ALPK2: variants seen among roughly 807,000 people sequenced by gnomAD.
ALPK2 encodes alpha-protein kinase 2.
In ALPK2, 127 loss-of-function variants were observed where a neutral mutation model predicts 163.1. The ratio of observed to expected loss-of-function variants is 0.78; its 90% CI spans 0.67 to 0.90. ALPK2 has a LOEUF of 0.90. Among genes scored for constraint, ALPK2 ranks in the 40% least tolerant of loss-of-function variants. The probability of loss-of-function intolerance (pLI) is 0.00; values close to 1 mark genes in which losing one functional copy is unlikely to be tolerated. For synonymous variants in ALPK2, 953 were observed against 959.1 expected (o/e 0.99, Z 0.12); for missense variants, 2,360 against 2,589.6 (o/e 0.91, Z 1.92).
chr18:58,564,152 C>T (rs1209326718), intron 4 of ALPK2, among the ~76,000 whole-genome samples: 3 of 42,102 alleles, frequency 7.1e-5, no homozygotes, highest in Admixed American at 3.2e-4. Context: ...GATGGAGTTT[C>T]GCTCTTGTCG....
At chr18:58,585,612 A>C (rs1204071165) in intron 3 of ALPK2, among the ~76,000 whole-genome samples, 1 of 152,006 alleles carries the variant, frequency 6.6e-6, no homozygotes, top group Admixed American at 6.6e-5. Context: ...ATTAGTTACA[A>C]TGTGGAATCT....
Position 58,484,728 on chromosome 18 carries a change from G to C in ALPK2, c.6297-2689C>G, listed in dbSNP as rs201323990. ...CACTGCACTCCAGTCTGGCGACAGAGCGAGACTTCGTCTCAAAAAATAATA... is the reference window on the plus strand; with the variant it reads ...CACTGCACTCCAGTCTGGCGACAGACCGAGACTTCGTCTCAAAAAATAATA... On this transcript the variant is annotated intron_variant, in intron 12 of 12. Coordinates refer to ENST00000361673, the MANE Select transcript of ALPK2 (RefSeq NM_052947.4). Among the ~76,000 whole-genome samples the C allele has an allele frequency of 2.0e-5, 3 of 149,382 alleles. No homozygotes were observed. The East Asian group carries it at 6.0e-4, about 30-fold the overall frequency.
rs773192836 is a variant in ALPK2, at chr18:58,578,736, A to ACACACACGCGCGCACGCGCGCGCG, written c.1962+77_1962+78insCGCGCGCGCGTGCGCGCGTGTGTG. On this transcript the variant is annotated intron_variant, in intron 4 of 12. Transcript: ENST00000361673. ...GTGAATGTGAAGTAAAGGAAGAGACACACACACACACACACACACACACAC... is the reference window on the plus strand; with the variant it reads ...GTGAATGTGAAGTAAAGGAAGAGACACACACACGCGCGCACGCGCGCGCGCACACACACACACACACACACACAC... The ACACACACGCGCGCACGCGCGCGCG allele has an allele frequency of 7.4e-4, 562 of 760,640 alleles. 8 individuals carry two copies. Among genetic ancestry groups the ACACACACGCGCGCACGCGCGCGCG allele is most frequent in the South Asian group, 3.1e-3 (159 of 51,562 alleles). 47.1% of individuals were successfully genotyped at this position (760,640 alleles called of 1,614,324 possible).
chr18:58,497,989 C>A, intron 12 of ALPK2, 60 bp downstream of exon 12: 1 of 1,499,648 alleles, frequency 6.7e-7, no homozygotes, highest in South Asian at 1.1e-5. Context: ...ACAGTGTCTG[C>A]CTGGAAGGTG....
rs1267790549 is a variant in ALPK2 at position 58,613,740 on chromosome 18, AT to A, written c.-20-1924del. ...AATAATAATAATAATAATAATAATA[AT>A]AATAAAATAAAAAGACGGCACCCTT... On this transcript the variant is annotated intron_variant, in intron 1 of 12. Transcript: ENST00000361673. Among the ~76,000 whole-genome samples the A allele has an allele frequency of 4.1e-3, 607 of 146,804 alleles. 6 individuals are homozygous for A. Among genetic ancestry groups the A allele is most frequent in the Non-Finnish European group, 6.4e-3 (430 of 66,854 alleles).
At chr18:58,534,797 C>G in intron 5 of ALPK2, 37 bp downstream of exon 5, 2 of 1,560,408 alleles carry the variant, frequency 1.3e-6, no homozygotes, top group Non-Finnish European at 1.7e-6. Context: ...TCTACAAGCC[C>G]AAACTTTAAC....
Position 58,535,585 on chromosome 18 carries a change from C to T in ALPK2, c.4602G>A (p.Leu1534=), listed in dbSNP as rs867104004. The stretch of plus-strand genomic sequence containing the variant: ...TAGAAAGAGGTGAAGTGGGGGAAAT[C>T]AATTCTGCTTTGTCCTTTTTGCTTT... ...AEQSKKDKAE[L]ISPTSPLSSC... Residue 1534 remains leucine (L), a synonymous_variant, in exon 5 of 13, where the codon TTG becomes TTA. Coordinates refer to ENST00000361673, the MANE Select transcript of ALPK2 (RefSeq NM_052947.4). 1 of 1,614,190 alleles carries T rather than the reference C, an allele frequency of 6.2e-7. No homozygotes were observed. The highest frequency in any genetic ancestry group is 8.5e-7 in the Non-Finnish European group (1 of 1,180,034).
chr18:58,487,394 C>A (rs1050127829), intron 12 of ALPK2, among the ~76,000 whole-genome samples: 8 of 152,138 alleles, frequency 5.3e-5, no homozygotes, highest in African/African-American at 1.9e-4. Flanking sequence ...TCCCTCAGAG[C>A]CTGCAGAAGG....
intron 3 of ALPK2, among the ~76,000 whole-genome samples, chr18:58,605,801 T>C (rs532131442): frequency 1.3e-5 from 2 of 152,340 alleles, no homozygotes; most frequent in African/African-American, 4.8e-5. Flanking sequence ...CTCCCAAGTA[T>C]ACTGGAGTGG....
At chr18:58,533,356 A>C (rs2051626184) in intron 5 of ALPK2, among the ~76,000 whole-genome samples, 1 of 151,926 alleles carries the variant, frequency 6.6e-6, no homozygotes, top group African/African-American at 2.4e-5. Context: ...TCCCCAAACA[A>C]GGGGGTTGAG....
chr18:58,551,985 A>C (rs1237652683), intron 4 of ALPK2, among the ~76,000 whole-genome samples: 1 of 152,128 alleles, frequency 6.6e-6, no homozygotes, highest in Admixed American at 6.5e-5. Context: ...CTGAACTAGA[A>C]ATTTAAGAGA....
intron 4 of ALPK2, among the ~76,000 whole-genome samples, chr18:58,541,060 G>A (rs2051687124): frequency 6.6e-6 from 1 of 152,170 alleles, no homozygotes; most frequent in East Asian, 1.9e-4. Context: ...ATTCCATTGA[G>A]ATTTATTTGC....
At chr18:58,581,035 CT>C (rs1439142720) in intron 3 of ALPK2, 1 of 151,388 alleles carries the variant, frequency 6.6e-6, no homozygotes, top group Non-Finnish European at 1.5e-5. Flanking sequence ...TATTCCTTCA[CT>C]TTCTTAATAA....
intron 6 of ALPK2, among the ~76,000 whole-genome samples, chr18:58,526,354 C>A (rs990255932): frequency 1.3e-5 from 2 of 152,118 alleles, no homozygotes; most frequent in African/African-American, 4.8e-5. Flanking sequence ...TTGGCAGCAC[C>A]CCCACCCACC....
At chr18:58,495,469 C>T (rs977909817) in intron 12 of ALPK2, among the ~76,000 whole-genome samples, 55 of 152,004 alleles carry the variant, frequency 3.6e-4, no homozygotes, top group African/African-American at 1.1e-3. Context: ...GCAGCTGTCC[C>T]GGGCCAGATA....
At position 58,482,046 on chromosome 18, in the gene ALPK2, GTT is replaced by G. The variant is rs143338855; in HGVS notation, c.6297-9_6297-8del. 1.1e-3 allele frequency: 1,839 copies of G among 1,607,740 alleles called. 25 individuals are homozygous for G. In the African/African-American group the frequency reaches 0.023, roughly 20 times the overall value. ...GCCTTTAAATCCCTTGTACCTGTGAGTTTGGGTGGAAGGAAACATAGCTTTTA... is the reference window on the plus strand; with the variant it reads ...GCCTTTAAATCCCTTGTACCTGTGAGTGGGTGGAAGGAAACATAGCTTTTA... On this transcript the variant is annotated splice_polypyrimidine_tract_variant and splice_region_variant and intron_variant, in intron 12 of 12. Coordinates refer to ENST00000361673, the MANE Select transcript of ALPK2 (RefSeq NM_052947.4).
Position 58,579,672 on chromosome 18 carries a change from C to T in ALPK2, c.1104G>A (p.Glu368=), listed in dbSNP as rs746219790. The change falls in exon 4 of 13, where the codon GAG becomes GAA. Residue 368 remains glutamate (E), a synonymous_variant. Transcript: ENST00000361673. The stretch of plus-strand genomic sequence containing the variant: ...AATGCTCACACCCACCCAGGCAATG[C>T]TCACCGAATTCCATCTCTTCGTCAT... ...ESDDEEMEFG[E]HCLGGCEHFL... is the part of the protein sequence containing the mutation. The T allele has an allele frequency of 6.2e-7, 1 of 1,614,114 alleles. No homozygotes were observed. The highest frequency in any genetic ancestry group is 8.5e-7 in the Non-Finnish European group (1 of 1,180,026).
At chr18:58,528,808 G>A in intron 6 of ALPK2, 1 of 397,546 alleles carries the variant, frequency 2.5e-6, no homozygotes, top group Non-Finnish European at 4.7e-6. Flanking sequence ...AATATCATTT[G>A]ACATGTTCCT....
At position 58,521,615 on chromosome 18, in the gene ALPK2, C is replaced by T. The variant is rs1158747343; in HGVS notation, c.5665+2191G>A. Among the ~76,000 whole-genome samples, 16 of 101,144 alleles carry T rather than the reference C, an allele frequency of 1.6e-4. 1 individual carries two copies. The Admixed American group carries it at 1.7e-3, about 11-fold the overall frequency. The allele number at this position is 101,144 out of a possible 152,430, so 66.4% of individuals were successfully genotyped here. On this transcript the variant is annotated intron_variant, in intron 8 of 12. Coordinates refer to ENST00000361673, the MANE Select transcript of ALPK2 (RefSeq NM_052947.4). ...TTTGCTAGGCCATTTCTTTTTCTTTCTTTCTCTCTCTCTTTTTTTTTTTTT... is the reference window on the plus strand; with the variant it reads ...TTTGCTAGGCCATTTCTTTTTCTTTTTTTCTCTCTCTCTTTTTTTTTTTTT...
Sources: allele counts gnomAD v4.1 joint callset (sites outside exome capture counted in the v4.1 genomes callset), GRCh38; gene constraint gnomAD v4.1.1; transcripts MANE v1.5; gene names NCBI Gene and HGNC (gene_info 2026-07-23, HGNC 2026-07-21).